Variants in TMEM100 observed in about 807,000 individuals in gnomAD.
The protein encoded by TMEM100 is transmembrane protein 100.
For synonymous variants in TMEM100, 61 were observed against 67.1 expected, an observed-to-expected ratio of 0.91 and a Z score of 0.44; for missense variants, 137 against 168.2, an observed-to-expected ratio of 0.81 and a Z score of 1.02.
chr17:55,723,092 G>A (rs551098100), upstream of TMEM100: 1 of 152,492 alleles, frequency 6.6e-6, no homozygotes, highest in East Asian at 1.9e-4. Context: ...GGACTGCTTT[G>A]TGAATTTGAA....
upstream of TMEM100, among the ~76,000 whole-genome samples, chr17:55,726,266 TC>T (rs1227289503): frequency 6.6e-6 from 1 of 152,182 alleles, no homozygotes; most frequent in Non-Finnish European, 1.5e-5. Flanking sequence ...TGCAAAAATC[TC>T]ATTTTTTTTT....
chr17:55,724,590 C>G (rs1337477233), upstream of TMEM100, among the ~76,000 whole-genome samples: 1 of 152,194 alleles, frequency 6.6e-6, no homozygotes, highest in Non-Finnish European at 1.5e-5. Flanking sequence ...AGCTCCTTAA[C>G]AGAGCTGTCT....
In TMEM100 at chr17:55,720,355, C is replaced by A. The variant is rs1908825705; in HGVS notation, c.*311G>T. 1 of 286,752 alleles carries A rather than the reference C, an allele frequency of 3.5e-6. No homozygotes were observed. 17.8% of individuals were successfully genotyped at this position (286,752 alleles called of 1,614,324 possible). Reference sequence around the variant, plus strand: ...CCAGGCCTATCTTGATTTTTCTCATCTTTTCTTGGCTACTTTACAGGGTGA... The same window carrying A: ...CCAGGCCTATCTTGATTTTTCTCATATTTTCTTGGCTACTTTACAGGGTGA... On this transcript the variant is annotated 3_prime_UTR_variant, in exon 2 of 2. Transcript: ENST00000424486.
upstream of TMEM100, among the ~76,000 whole-genome samples, chr17:55,725,602 A>C (rs1412470926): frequency 6.6e-6 from 1 of 152,104 alleles, no homozygotes; most frequent in Non-Finnish European, 1.5e-5. Context: ...GCAAGGCTTA[A>C]ACACAATTAA....
upstream of TMEM100, among the ~76,000 whole-genome samples, chr17:55,725,701 ATGTGTGTGTGTGTGTGTGTGTG>A (rs57564459): frequency 7.9e-5 from 11 of 139,660 alleles, no homozygotes; most frequent in African/African-American, 2.3e-4. Flanking sequence ...ACCCATATAT[ATGTGTGTGTGTGTGTGTGTGTG>A]TGTGTGTGTG....
At chr17:55,724,197 C>T (rs1440735553), upstream of TMEM100, among the ~76,000 whole-genome samples, 3 of 152,190 alleles carry the variant, frequency 2.0e-5, no homozygotes, top group Non-Finnish European at 4.4e-5. Context: ...TCAAACATCT[C>T]GCCTCTCCTC....
chr17:55,725,417 T>A (rs1035927731), upstream of TMEM100, among the ~76,000 whole-genome samples: 1 of 152,182 alleles, frequency 6.6e-6, no homozygotes, highest in Non-Finnish European at 1.5e-5. Context: ...ATTATATCTA[T>A]GCCCCTAACC....
upstream of TMEM100, among the ~76,000 whole-genome samples, chr17:55,725,965 G>A (rs1909060108): frequency 1.3e-5 from 2 of 152,130 alleles, no homozygotes; most frequent in South Asian, 4.1e-4. Flanking sequence ...TGGAAAGTGT[G>A]TATGTAGGGG....
chr17:55,720,558 C>G lies in TMEM100; in HGVS notation c.*108G>C. On this transcript the variant is annotated 3_prime_UTR_variant, in exon 2 of 2. Coordinates refer to ENST00000424486, the MANE Select transcript of TMEM100 (RefSeq NM_018286.3). ...ACCCTCCCACCCCCATTCTTCCAGT[C>G]TGCTCCAACGCCAAGTCTGTTCTCT... The G allele has an allele frequency of 2.1e-6, 2 of 945,362 alleles. No homozygotes were observed. Among genetic ancestry groups the G allele is most frequent in the Non-Finnish European group, 1.5e-6 (1 of 664,052 alleles). 58.6% of individuals were successfully genotyped at this position (945,362 alleles called of 1,614,324 possible).
At chr17:55,723,949 A>G (rs1034306480), upstream of TMEM100, among the ~76,000 whole-genome samples, 8 of 152,220 alleles carry the variant, frequency 5.3e-5, no homozygotes, top group African/African-American at 1.9e-4. Context: ...TAAAACCTTG[A>G]AACATATAAA....
upstream of TMEM100, among the ~76,000 whole-genome samples, chr17:55,725,427 C>A (rs1234610382): frequency 2.0e-5 from 3 of 152,120 alleles, no homozygotes; most frequent in Non-Finnish European, 4.4e-5. Context: ...TGCCCCTAAC[C>A]CCCATAGACA....
chr17:55,721,511 AC>A (rs1243735571), intron 1 of TMEM100: 2 of 157,788 alleles, frequency 1.3e-5, no homozygotes, highest in African/African-American at 4.8e-5. Flanking sequence ...AATATTTCGT[AC>A]CATTAATCCC....
upstream of TMEM100, chr17:55,723,068 A>G (rs1421069393): frequency 6.6e-6 from 1 of 152,304 alleles, no homozygotes; most frequent in Non-Finnish European, 1.5e-5. Context: ...TTTCTCTTGC[A>G]GCATTTACTA....
chr17:55,725,967 A>G (rs886683230), upstream of TMEM100, among the ~76,000 whole-genome samples: 3 of 152,092 alleles, frequency 2.0e-5, no homozygotes, highest in African/African-American at 7.2e-5. Context: ...GAAAGTGTGT[A>G]TGTAGGGGAA....
rs1210875921 is a variant in TMEM100, at chr17:55,719,934, T to G, written c.*732A>C. 1 of 152,654 alleles carries G rather than the reference T, an allele frequency of 6.6e-6. No homozygotes were observed. The highest frequency in any genetic ancestry group is 1.5e-5 in the Non-Finnish European group (1 of 68,054). 9.5% of individuals were successfully genotyped at this position (152,654 alleles called of 1,614,324 possible). A position where few individuals can be genotyped will look rare whatever the true frequency, so the allele number is the denominator to read the frequency against. ...AGAAGTTTTAGCAGCAATAAGTATT[T>G]ATTATTCTGAATGAAATGTACAGTT... On this transcript the variant is annotated 3_prime_UTR_variant, in exon 2 of 2. Coordinates refer to ENST00000424486, the MANE Select transcript of TMEM100 (RefSeq NM_018286.3).
At chr17:55,722,407 C>T (rs1288093937) in intron 1 of TMEM100, 3 of 152,238 alleles carry the variant, frequency 2.0e-5, no homozygotes, top group East Asian at 1.9e-4. Context: ...ATATCACTCC[C>T]TGAGCAATGA....
At chr17:55,728,563 C>T (rs1321969196) in intron 1 of TMEM100, among the ~76,000 whole-genome samples, 1 of 152,248 alleles carries the variant, frequency 6.6e-6, no homozygotes, top group Non-Finnish European at 1.5e-5. Flanking sequence ...GGCCATTCCT[C>T]TGCCTTCAGA....
Position 55,721,151 on chromosome 17 carries a change from G to T in TMEM100, c.-65-16C>A. The T allele has an allele frequency of 6.7e-7, 1 of 1,483,186 alleles. No individual in the cohort carries two copies. The highest frequency in any genetic ancestry group is 9.1e-7 in the Non-Finnish European group (1 of 1,103,070). The allele number at this position is 1,483,186 out of a possible 1,614,324, so 91.9% of individuals were successfully genotyped here. On this transcript the variant is annotated splice_polypyrimidine_tract_variant and intron_variant, in intron 1 of 1. Transcript: ENST00000424486. ...AGGGTGAAAGCTGTGAAGATAACAG[G>T]AGATGTCAGCTACATGTATCAGAAT...
Position 55,720,534 on chromosome 17 carries a change from C to A in TMEM100, c.*132G>T. 33 of 833,348 alleles carry A rather than the reference C, an allele frequency of 4.0e-5. No homozygotes were observed. Among genetic ancestry groups the A allele is most frequent in the East Asian group, 9.3e-5 (3 of 32,156 alleles). 51.6% of individuals were successfully genotyped at this position (833,348 alleles called of 1,614,324 possible). ...TCCTCACAAAGGAGAAGCCCCTCCA[C>A]CCTCCCACCCCCATTCTTCCAGTCT... On this transcript the variant is annotated 3_prime_UTR_variant, in exon 2 of 2. Transcript: ENST00000424486.
Sources: gnomAD v4.1 joint callset for allele counts (sites outside exome capture counted in the v4.1 genomes callset) on GRCh38, gnomAD v4.1.1 for gene constraint, MANE v1.5 for transcripts, NCBI Gene and HGNC (gene_info 2026-07-23, HGNC 2026-07-21) for gene names.